The following MAML3 variants were observed in gnomAD, a reference collection of about 807,000 sequenced individuals.
MAML3 encodes the protein mastermind-like protein 3.
In MAML3, 27 loss-of-function variants were observed where a neutral mutation model predicts 101.9. The ratio of observed to expected loss-of-function variants is 0.27; its 90% CI spans 0.20 to 0.37. The LOEUF (loss-of-function observed/expected upper bound fraction) is 0.37. Ranked by LOEUF, MAML3 falls within the 10% of genes least tolerant of loss-of-function variation. The pLI is 1.00. For synonymous variants in MAML3, 501 were observed against 555.9 expected (o/e 0.90, Z 1.39); for missense variants, 1,316 against 1,444.9 (o/e 0.91, Z 1.45).
At chr4:140,120,413 T>G (rs1289294681) in intron 1 of MAML3, among the ~76,000 whole-genome samples, 1 of 152,206 alleles carries the variant, frequency 6.6e-6, no homozygotes, top group African/African-American at 2.4e-5. Context: ...TAACAAAACC[T>G]TTGGTTAAAA....
intron 1 of MAML3, among the ~76,000 whole-genome samples, chr4:140,151,233 A>T (rs895845274): frequency 6.6e-6 from 1 of 151,026 alleles, no homozygotes; most frequent in Non-Finnish European, 1.5e-5. Flanking sequence ...GAGGAGGAAG[A>T]GGAGGAGGGA....
At chr4:139,942,207 C>CAGGA (rs746027299) in intron 1 of MAML3, among the ~76,000 whole-genome samples, 2 of 149,910 alleles carry the variant, frequency 1.3e-5, no homozygotes, top group Admixed American at 6.6e-5. Context: ...GGCAGGCAGG[C>CAGGA]AGGAAGGAAG....
At chr4:139,743,806 A>C (rs936951939) in intron 2 of MAML3, among the ~76,000 whole-genome samples, 4 of 152,236 alleles carry the variant, frequency 2.6e-5, no homozygotes, top group African/African-American at 9.6e-5. Flanking sequence ...AAGGTCGACA[A>C]GGCCAATCTT....
At chr4:140,084,819 A>T (rs973140782) in intron 1 of MAML3, among the ~76,000 whole-genome samples, 5 of 152,194 alleles carry the variant, frequency 3.3e-5, no homozygotes, top group Admixed American at 1.3e-4. Flanking sequence ...ACTTGAACAC[A>T]TTGTGTTCAA....
chr4:140,145,726 C>T (rs1177383725), intron 1 of MAML3, among the ~76,000 whole-genome samples: 2 of 151,844 alleles, frequency 1.3e-5, no homozygotes, highest in African/African-American at 4.8e-5. Context: ...CCACCACGCC[C>T]GGCTAATTTT....
At chr4:139,721,716 C>G (rs1728241304) in intron 4 of MAML3, among the ~76,000 whole-genome samples, 1 of 152,148 alleles carries the variant, frequency 6.6e-6, no homozygotes, top group African/African-American at 2.4e-5. Flanking sequence ...GAAACGATTT[C>G]TATCAGGAAA....
At chr4:140,057,160 C>T (rs1727363726) in intron 1 of MAML3, among the ~76,000 whole-genome samples, 1 of 152,174 alleles carries the variant, frequency 6.6e-6, no homozygotes, top group Admixed American at 6.5e-5. Flanking sequence ...TCTGTAGTCC[C>T]AGCTATTTGG....
At chr4:139,899,480 C>G (rs1320301139) in intron 1 of MAML3, among the ~76,000 whole-genome samples, 1 of 152,220 alleles carries the variant, frequency 6.6e-6, no homozygotes, top group African/African-American at 2.4e-5. Context: ...CCTTCACTTT[C>G]ATTCAGTGAA....
At chr4:139,943,663 T>C (rs1042972390) in intron 1 of MAML3, among the ~76,000 whole-genome samples, 2 of 152,204 alleles carry the variant, frequency 1.3e-5, no homozygotes, top group African/African-American at 2.4e-5. Context: ...AACCTGGATG[T>C]GTATCAACTT....
At chr4:139,910,339 A>G (rs1732895158) in intron 1 of MAML3, among the ~76,000 whole-genome samples, 1 of 152,242 alleles carries the variant, frequency 6.6e-6, no homozygotes, top group South Asian at 2.1e-4. Context: ...TCCTTGCACA[A>G]GAACTGTGTT....
chr4:139,728,446 CT>C (rs1307052955), intron 3 of MAML3, among the ~76,000 whole-genome samples: 1 of 152,206 alleles, frequency 6.6e-6, no homozygotes, highest in Non-Finnish European at 1.5e-5. Context: ...TACACATGAT[CT>C]TATGTGATCC....
intron 1 of MAML3, among the ~76,000 whole-genome samples, chr4:140,029,303 C>T (rs1726872697): frequency 1.3e-5 from 2 of 152,202 alleles, no homozygotes; most frequent in African/African-American, 4.8e-5. Context: ...TGAACACTGC[C>T]ACTGCGATTA....
chr4:139,921,647 C>G (rs1289591172), intron 1 of MAML3, among the ~76,000 whole-genome samples: 1 of 152,084 alleles, frequency 6.6e-6, no homozygotes, highest in Non-Finnish European at 1.5e-5. Context: ...CACCACAAAC[C>G]CCCTTCAGCA....
At chr4:139,945,622 T>G (rs901476202) in intron 1 of MAML3, among the ~76,000 whole-genome samples, 14 of 152,376 alleles carry the variant, frequency 9.2e-5, no homozygotes, top group African/African-American at 3.4e-4. Context: ...TCATGTTAAC[T>G]TTAAACTAGG....
chr4:139,851,081 T>C (rs1159422390), intron 2 of MAML3, among the ~76,000 whole-genome samples: 2 of 152,224 alleles, frequency 1.3e-5, no homozygotes, highest in East Asian at 3.8e-4. Context: ...TCTAGAACTT[T>C]AAGTATGCTC....
At chr4:140,118,443 T>C (rs980991818) in intron 1 of MAML3, among the ~76,000 whole-genome samples, 2 of 152,162 alleles carry the variant, frequency 1.3e-5, no homozygotes, top group African/African-American at 2.4e-5. Flanking sequence ...CTAATAATAA[T>C]AATAAACAAT....
chr4:139,773,377 A>G (rs1431743306), intron 2 of MAML3, among the ~76,000 whole-genome samples: 2 of 152,206 alleles, frequency 1.3e-5, no homozygotes, highest in Non-Finnish European at 2.9e-5. Flanking sequence ...GCAATGCTTC[A>G]GGTTCTTCAA....
rs185669317 is a variant in MAML3 at position 140,134,697 on chromosome 4, C to A, written c.468+18163G>T. ...CATTTGTTCATGAGAAAAAGAAATT[C>A]GCTTGTCCCAGCACCATAACCCCAC... On this transcript the variant is annotated intron_variant, in intron 1 of 4. Coordinates refer to ENST00000509479, the MANE Select transcript of MAML3 (RefSeq NM_018717.5). 1,315 of 264,614 alleles carry A rather than the reference C, an allele frequency of 5.0e-3. 4 individuals carry two copies. The highest frequency in any genetic ancestry group is 7.6e-3 in the Non-Finnish European group (1,030 of 135,370). 16.4% of individuals were successfully genotyped at this position (264,614 alleles called of 1,614,324 possible).
intron 1 of MAML3, chr4:140,134,356 A>T (rs1313760423): frequency 2.2e-6 from 1 of 456,734 alleles, no homozygotes; most frequent in South Asian, 1.5e-5. Context: ...AAGAAAACAG[A>T]ACCCCAATCA....
Sources: allele counts gnomAD v4.1 joint callset (sites outside exome capture counted in the v4.1 genomes callset), GRCh38; gene constraint gnomAD v4.1.1; transcripts MANE v1.5; gene names NCBI Gene and HGNC (gene_info 2026-07-23, HGNC 2026-07-21).